USP34: variants seen among roughly 807,000 people sequenced by gnomAD.
The protein encoded by USP34 is ubiquitin carboxyl-terminal hydrolase 34.
Under a neutral mutation model 460.3 loss-of-function variants are expected in USP34, and 70 were observed. The observed-to-expected ratio is 0.15, with a 90% CI of 0.13 to 0.19. The LOEUF (loss-of-function observed/expected upper bound fraction) is 0.19, where lower values mean the gene tolerates loss of function less well. USP34 is among the 10% of genes least tolerant of loss of function. USP34 has a pLI of 1.00. For missense variants in USP34, 3,985 were observed against 4,236.2 expected, an observed-to-expected ratio of 0.94 and a Z score of 1.65; for synonymous variants, 1,647 against 1,405.3, an observed-to-expected ratio of 1.17 and a Z score of -3.85.
chr2:61,399,058 T>TA (rs1378744061), intron 3 of USP34, among the ~76,000 whole-genome samples: 1 of 152,134 alleles, frequency 6.6e-6, no homozygotes, highest in Non-Finnish European at 1.5e-5. Flanking sequence ...TGGGCACAGC[T>TA]AAAAAATCTC....
chr2:61,195,500 C>T (rs537474416), intron 75 of USP34, among the ~76,000 whole-genome samples: 3 of 151,862 alleles, frequency 2.0e-5, no homozygotes, highest in Non-Finnish European at 4.4e-5. Flanking sequence ...GGTGAAACCC[C>T]GTTTCTACTA....
intron 23 of USP34, among the ~76,000 whole-genome samples, chr2:61,316,422 T>C (rs1690749679): frequency 6.6e-6 from 1 of 150,944 alleles, no homozygotes; most frequent in Non-Finnish European, 1.5e-5. Context: ...CCAACTCTAC[T>C]AAAAATACAA....
chr2:61,254,890 G>A (rs1423586012), intron 48 of USP34, among the ~76,000 whole-genome samples: 1 of 151,964 alleles, frequency 6.6e-6, no homozygotes, highest in South Asian at 2.1e-4. Flanking sequence ...ATTTTTTGCC[G>A]AGGCTGGAGT....
chr2:61,470,593 A>T (rs1695926376), intron 1 of USP34, 57 bp downstream of exon 1: 1 of 1,260,374 alleles, frequency 7.9e-7, no homozygotes, highest in Non-Finnish European at 1.1e-6. Flanking sequence ...GAGGCCAGAG[A>T]GCTGCGCGAG....
At chr2:61,306,345 A>G (rs7369217) in intron 27 of USP34, among the ~76,000 whole-genome samples, 106,478 of 152,056 alleles carry the variant, frequency 0.7, 37,693 homozygotes, top group South Asian at 0.8. Flanking sequence ...CCCATTGCTT[A>G]TTTTTGTCAG....
intron 49 of USP34, among the ~76,000 whole-genome samples, chr2:61,248,185 CAAA>C (rs11339335): frequency 1.7e-4 from 12 of 69,558 alleles, no homozygotes; most frequent in East Asian, 7.9e-4. Context: ...CTCAGAAGAC[CAAA>C]AAAAAAAAAA....
chr2:61,289,921 TA>T (rs1689799653), intron 33 of USP34, among the ~76,000 whole-genome samples: 1 of 152,132 alleles, frequency 6.6e-6, no homozygotes, highest in East Asian at 1.9e-4. Context: ...ACCTCTCCCC[TA>T]AAAGATGCTG....
intron 20 of USP34, among the ~76,000 whole-genome samples, chr2:61,327,172 A>G (rs111754541): frequency 4.6e-5 from 7 of 152,308 alleles, no homozygotes; most frequent in African/African-American, 1.4e-4. Context: ...AAATCGCACT[A>G]AATTCATTAC....
Position 61,339,946 on chromosome 2 carries a change from C to A in USP34, c.2501-265G>T, listed in dbSNP as rs1572948687. Among the ~76,000 whole-genome samples, 2 of 152,062 alleles carry A rather than the reference C, an allele frequency of 1.3e-5. 1 individual carries two copies. Among genetic ancestry groups the A allele is most frequent in the Middle Eastern group, 6.8e-3 (2 of 294 alleles). Reference sequence around the variant, plus strand: ...TCAGCCTCCCTAAGTGTTGGGATTACAAGTGTAAGCCACTGCACCCAGCAT... The same window carrying A: ...TCAGCCTCCCTAAGTGTTGGGATTAAAAGTGTAAGCCACTGCACCCAGCAT... On this transcript the variant is annotated intron_variant, in intron 16 of 79. Coordinates refer to ENST00000398571, the MANE Select transcript of USP34 (RefSeq NM_014709.4).
At position 61,265,516 on chromosome 2, in the gene USP34, C is replaced by T. The variant is rs1235240559; in HGVS notation, c.5659G>A (p.Val1887Ile). The T allele has an allele frequency of 6.2e-7, 1 of 1,612,996 alleles. No homozygotes were observed. Among genetic ancestry groups the T allele is most frequent in the African/African-American group, 1.3e-5 (1 of 75,012 alleles). ...CCAACAAATCTACATTCAGCACGGA[C>T]ATCTTCATGAGGCCAGTAATCCCAT... Reference protein sequence around the residue: ...YKWDYWPHEDVRAECRFVGLT... With the variant: ...YKWDYWPHEDIRAECRFVGLT... Residue 1887 changes from valine to isoleucine, a missense_variant, in exon 43 of 80, where the codon GTC becomes ATC. Coordinates refer to ENST00000398571, the MANE Select transcript of USP34 (RefSeq NM_014709.4).
chr2:61,464,693 G>A (rs1573072533), intron 1 of USP34, among the ~76,000 whole-genome samples: 1 of 144,404 alleles, frequency 6.9e-6, no homozygotes, highest in Non-Finnish European at 1.5e-5. Flanking sequence ...ACTCCAGCCT[G>A]GGCGAAAGAG....
chr2:61,383,187 T>C, intron 6 of USP34, 82 bp downstream of exon 6: 1 of 1,068,700 alleles, frequency 9.4e-7, no homozygotes, highest in Non-Finnish European at 1.3e-6. Flanking sequence ...ATAGGGGACT[T>C]TCAAACAATA....
chr2:61,441,802 C>CAAA (rs70963429), intron 1 of USP34, among the ~76,000 whole-genome samples: 1 of 97,328 alleles, frequency 1.0e-5, no homozygotes, highest in African/African-American at 3.9e-5. Context: ...GACTGCATTA[C>CAAA]AAAAAAAAAA....
At chr2:61,329,087 G>A (rs771824586) in intron 20 of USP34, among the ~76,000 whole-genome samples, 1 of 152,096 alleles carries the variant, frequency 6.6e-6, no homozygotes, top group Non-Finnish European at 1.5e-5. Flanking sequence ...AGTGGTGCGA[G>A]CTCGGCTCAC....
intron 1 of USP34, among the ~76,000 whole-genome samples, chr2:61,432,488 A>C (rs1291103100): frequency 6.6e-6 from 1 of 151,998 alleles, no homozygotes; most frequent in Non-Finnish European, 1.5e-5. Flanking sequence ...TAAATACGTA[A>C]ACAAACAAAG....
intron 27 of USP34, among the ~76,000 whole-genome samples, chr2:61,308,066 AAAAC>A (rs1383651036): frequency 6.6e-6 from 1 of 152,112 alleles, no homozygotes; most frequent in Non-Finnish European, 1.5e-5. Context: ...TAAATAAATA[AAAAC>A]AAAGTAACAG....
intron 57 of USP34, among the ~76,000 whole-genome samples, chr2:61,234,702 G>A (rs1205354780): frequency 6.6e-6 from 1 of 152,060 alleles, no homozygotes; most frequent in Non-Finnish European, 1.5e-5. Flanking sequence ...GTGCAGTGGT[G>A]TGATCTCAGC....
At chr2:61,376,225 C>T (rs1175177650) in intron 8 of USP34, among the ~76,000 whole-genome samples, 1 of 146,126 alleles carries the variant, frequency 6.8e-6, no homozygotes, top group Non-Finnish European at 1.5e-5. Flanking sequence ...GTTAATAAAA[C>T]TGCTTAAAAA....
chr2:61,190,982 A>G, intron 76 of USP34: 1 of 196,244 alleles, frequency 5.1e-6, no homozygotes, highest in East Asian at 1.3e-4. Context: ...AATAAGGCTA[A>G]CAAAGAATAG....
Sources: gnomAD v4.1 joint callset for allele counts (sites outside exome capture counted in the v4.1 genomes callset) on GRCh38, gnomAD v4.1.1 for gene constraint, MANE v1.5 for transcripts, NCBI Gene and HGNC (gene_info 2026-07-23, HGNC 2026-07-21) for gene names.